Variants in DZIP1 observed in about 807,000 individuals in gnomAD.
The protein encoded by DZIP1 is DAZ interacting zinc finger protein 1.
A neutral mutation model predicts 107.6 loss-of-function variants in DZIP1; 97 were observed. The ratio of observed to expected loss-of-function variants is 0.90; its 90% CI spans 0.77 to 1.07. The LOEUF (loss-of-function observed/expected upper bound fraction) is 1.07, where lower values mean the gene tolerates loss of function less well. DZIP1 is among the 50% of genes least tolerant of loss of function. DZIP1 has a pLI of 0.00. For missense variants in DZIP1, 1,035 were observed against 1,063.6 expected (o/e 0.97, Z 0.37); for synonymous variants, 390 against 386.4 (o/e 1.01, Z -0.11).
chr13:95,622,236 G>A (rs538208700), intron 9 of DZIP1, 107 bp downstream of exon 9: 6 of 1,412,540 alleles, frequency 4.2e-6, no homozygotes, highest in Admixed American at 1.9e-5. Flanking sequence ...TCACCTTCAG[G>A]GTTACTAAAA....
chr13:95,585,870 A>C lies in DZIP1; in HGVS notation c.2349+136T>G. The C allele has an allele frequency of 7.2e-6, 6 of 835,732 alleles. No homozygotes were observed. In the South Asian group the frequency reaches 1.3e-4, roughly 18 times the overall value. 51.8% of individuals were successfully genotyped at this position (835,732 alleles called of 1,614,324 possible). ...GAATGGAAAGAAATGCAATACTGAGAACAAGAAAGGTGAAAATCTCAACCT... is the reference window on the plus strand; with the variant it reads ...GAATGGAAAGAAATGCAATACTGAGCACAAGAAAGGTGAAAATCTCAACCT... On this transcript the variant is annotated intron_variant, in intron 21 of 22. Transcript: ENST00000376829.
Position 95,578,649 on chromosome 13 carries a change from A to T in DZIP1, c.*3585T>A, listed in dbSNP as rs959456319. 6.6e-6 allele frequency: 1 copy of T among 152,194 alleles called. No individual in the cohort carries two copies. Among genetic ancestry groups the T allele is most frequent in the African/African-American group, 2.4e-5 (1 of 41,440 alleles). 9.4% of individuals were successfully genotyped at this position (152,194 alleles called of 1,614,324 possible). A position where few individuals can be genotyped will look rare whatever the true frequency, so the allele number is the denominator to read the frequency against. On this transcript the variant is annotated 3_prime_UTR_variant, in exon 23 of 23. Coordinates refer to ENST00000376829, the MANE Select transcript of DZIP1 (RefSeq NM_198968.4). ...CCACATGCCCATGGCCACTCAGTAGATTGTTGAAAAAGCAAAGCCACACCA... is the reference window on the plus strand; with the variant it reads ...CCACATGCCCATGGCCACTCAGTAGTTTGTTGAAAAAGCAAAGCCACACCA...
At position 95,580,653 on chromosome 13, in the gene DZIP1, G is replaced by A. The variant is rs1003326469; in HGVS notation, c.*1581C>T. 3.9e-5 allele frequency: 6 copies of A among 152,178 alleles called. No individual in the cohort carries two copies. The highest frequency in any genetic ancestry group is 7.3e-5 in the Non-Finnish European group (5 of 68,034). 9.4% of individuals were successfully genotyped at this position (152,178 alleles called of 1,614,324 possible). ...TTGTTGTAATTAAATGAATTAGTGC[G>A]TGTTCAAAACCAAACCAGACCAAGT... On this transcript the variant is annotated 3_prime_UTR_variant, in exon 23 of 23. Coordinates refer to ENST00000376829, the MANE Select transcript of DZIP1 (RefSeq NM_198968.4).
At position 95,641,694 on chromosome 13, in the gene DZIP1, A is replaced by G. The variant is rs747942017; in HGVS notation, c.198T>C (p.Ser66=). The G allele has an allele frequency of 1.2e-4, 185 of 1,603,352 alleles. No individual in the cohort carries two copies. The highest frequency in any genetic ancestry group is 1.6e-4 in the Non-Finnish European group (183 of 1,179,676). Residue 66 remains serine (S), a synonymous_variant, in exon 5 of 23, where the codon AGT becomes AGC. Transcript: ENST00000376829. The surrounding 1 kb of genome is among the most constrained non-coding windows in gnomAD (Gnocchi z 4.3). ...TGGCGCTCAGCCGCCGCCAGTCCAC[A>G]CTCTCCAGCCGCGGCCTGAACTGGA... is the stretch of plus-strand genomic sequence containing the variant. ...PFFQFRPRLE[S]VDWRRLSAID... is the part of the protein sequence containing the mutation.
intron 11 of DZIP1, 113 bp downstream of exon 11, chr13:95,611,924 A>T: frequency 7.5e-7 from 1 of 1,341,338 alleles, no homozygotes; most frequent in East Asian, 2.4e-5. Flanking sequence ...GGGGAAAAAT[A>T]TTCCATCTTC....
chr13:95,640,447 C>A (rs141406558), intron 5 of DZIP1, among the ~76,000 whole-genome samples: 129 of 152,246 alleles, frequency 8.5e-4, no homozygotes, highest in Middle Eastern at 3.4e-3. Context: ...GCCTTTTAAG[C>A]CATAGTCAGC....
At chr13:95,631,049 A>G (rs1877133286) in intron 6 of DZIP1, among the ~76,000 whole-genome samples, 1 of 152,186 alleles carries the variant, frequency 6.6e-6, no homozygotes, top group Non-Finnish European at 1.5e-5. Context: ...TTTCCTAAGT[A>G]ATCTATTTAA....
rs1267148853 is a variant in DZIP1, at chr13:95,642,010, T to C, written c.20A>G (p.Asp7Gly). 4 of 1,577,122 alleles carry C rather than the reference T, an allele frequency of 2.5e-6. No individual in the cohort carries two copies. The highest frequency in any genetic ancestry group is 3.4e-6 in the Non-Finnish European group (4 of 1,166,964). MQAEAA[D>G]WFSSMPFQKH... is the part of the protein sequence containing the mutation. Reference sequence around the variant, plus strand: ...GCCTCTTACCATGCTTGAAAACCAATCCGCTGCCTCAGCTTGCATAGGAGG... The same window carrying C: ...GCCTCTTACCATGCTTGAAAACCAACCCGCTGCCTCAGCTTGCATAGGAGG... Residue 7 changes from aspartate to glycine, a missense_variant, in exon 4 of 23, where the codon GAT becomes GGT. Asp to Gly is a moderately conservative substitution (Grantham distance 94). Coordinates refer to ENST00000376829, the MANE Select transcript of DZIP1 (RefSeq NM_198968.4).
Position 95,630,026 on chromosome 13 carries a change from T to A in DZIP1, c.773A>T (p.Glu258Val). Reference sequence around the variant, plus strand: ...GACTGCACTGGCATGGTGTGCAGCCTCTAGCTCAGACCTGGTGAGCTGCAG... The same window carrying A: ...GACTGCACTGGCATGGTGTGCAGCCACTAGCTCAGACCTGGTGAGCTGCAG... ...EELQLTRSEL[E>V]AAHHASAVRF... The change falls in exon 7 of 23, where the codon GAG becomes GTG. Residue 258 changes from glutamate (E) to valine (V), a missense_variant. Physicochemically the swap from Glu to Val is moderately radical, Grantham distance 121. Transcript: ENST00000376829. 6.2e-7 allele frequency: 1 copy of A among 1,613,866 alleles called. No homozygotes were observed. The highest frequency in any genetic ancestry group is 1.1e-5 in the South Asian group (1 of 91,038).
chr13:95,597,383 C>T (rs2044486185), intron 15 of DZIP1, among the ~76,000 whole-genome samples: 1 of 152,194 alleles, frequency 6.6e-6, no homozygotes, highest in Non-Finnish European at 1.5e-5. Context: ...ATATCTTGGA[C>T]ATCAGTAAAT....
chr13:95,598,350 T>G (rs2044517576), intron 15 of DZIP1, among the ~76,000 whole-genome samples: 1 of 151,990 alleles, frequency 6.6e-6, no homozygotes, highest in Non-Finnish European at 1.5e-5. Flanking sequence ...GGAAGCAAAA[T>G]AAACAAACCC....
intron 12 of DZIP1, among the ~76,000 whole-genome samples, chr13:95,611,024 C>T (rs757884790): frequency 1.3e-5 from 2 of 152,160 alleles, no homozygotes; most frequent in African/African-American, 2.4e-5. Context: ...AAACACTATT[C>T]GTATTCCTGC....
In DZIP1 at chr13:95,592,533, A is replaced by G. The variant is rs536134786; in HGVS notation, c.1680+1411T>C. Among the ~76,000 whole-genome samples, 245 of 152,358 alleles carry G rather than the reference A, an allele frequency of 1.6e-3. 1 individual carries two copies. The highest frequency in any genetic ancestry group is 0.015 in the South Asian group (72 of 4,834). On this transcript the variant is annotated intron_variant, in intron 16 of 22. Transcript: ENST00000376829. ...AGCAACTGAACTCTCAAACACCGTT[A>G]GGGACAGTGTGAGTTGGTACAAGGA...
chr13:95,612,886 C>T (rs1218600131), intron 10 of DZIP1, among the ~76,000 whole-genome samples: 1 of 152,170 alleles, frequency 6.6e-6, no homozygotes, highest in South Asian at 2.1e-4. Flanking sequence ...TGCCCAGCCC[C>T]ATCTTAATTA....
chr13:95,587,427 C>T, intron 20 of DZIP1, 112 bp downstream of exon 20: 1 of 1,427,710 alleles, frequency 7.0e-7, no homozygotes. Flanking sequence ...GGATCCGCTG[C>T]ATCTGTTCCT....
At chr13:95,591,823 G>C (rs571912516) in intron 16 of DZIP1, among the ~76,000 whole-genome samples, 1 of 152,120 alleles carries the variant, frequency 6.6e-6, no homozygotes, top group Non-Finnish European at 1.5e-5. Flanking sequence ...TCCCAACAAG[G>C]GTTATTCTGG....
Position 95,641,356 on chromosome 13 carries a change from C to G in DZIP1, c.536G>C (p.Arg179Pro). 3 of 1,613,762 alleles carry G rather than the reference C, an allele frequency of 1.9e-6. No individual in the cohort carries two copies. The highest frequency in any genetic ancestry group is 2.5e-6 in the Non-Finnish European group (3 of 1,179,734). The change falls in exon 5 of 23, where the codon CGC (arginine) becomes CCC (proline). Residue 179 changes from arginine (R) to proline (P), a missense_variant. By Grantham distance (103) the Arg-to-Pro change is moderately radical (BLOSUM62 -2). Coordinates refer to ENST00000376829, the MANE Select transcript of DZIP1 (RefSeq NM_198968.4). The surrounding 1 kb of genome is among the most constrained non-coding windows in gnomAD (Gnocchi z 4.3). ...EIKTLKEECK[R>P]RKKMISTQQL... ...CTGGGTGGAGATCATCTTCTTCCGGCGTTTGCACTCTTCCTTGAGCGTCTT... is the reference window on the plus strand; with the variant it reads ...CTGGGTGGAGATCATCTTCTTCCGGGGTTTGCACTCTTCCTTGAGCGTCTT...
At chr13:95,639,133 T>C (rs1878184657) in intron 5 of DZIP1, among the ~76,000 whole-genome samples, 1 of 152,184 alleles carries the variant, frequency 6.6e-6, no homozygotes, top group African/African-American at 2.4e-5. Flanking sequence ...TAACAACTGC[T>C]ATATGGTAGG....
intron 8 of DZIP1, 90 bp downstream of exon 8, chr13:95,624,678 G>A (rs1876322113): frequency 4.3e-6 from 5 of 1,168,324 alleles, no homozygotes; most frequent in Non-Finnish European, 6.2e-6. Context: ...GTAACATAAA[G>A]TAACTGCTGG....
Sources: gnomAD v4.1 joint callset for allele counts (sites outside exome capture counted in the v4.1 genomes callset) on GRCh38, gnomAD v4.1.1 for gene constraint, Gnocchi (gnomAD v3.1) non-coding constraint, MANE v1.5 for transcripts, NCBI Gene and HGNC (gene_info 2026-07-23, HGNC 2026-07-21) for gene names.